Variants in WNT5B observed in about 807,000 individuals in gnomAD.
WNT5B encodes Wnt family member 5B.
In WNT5B, 18 loss-of-function variants were observed where a neutral mutation model predicts 36.5. That is an observed-to-expected ratio of 0.49 (90% CI 0.34 to 0.73). WNT5B has a LOEUF of 0.73. WNT5B is among the 30% of genes least tolerant of loss of function. WNT5B has a pLI of 0.01. For synonymous variants in WNT5B, 213 were observed against 212.3 expected, an observed-to-expected ratio of 1.00 and a Z score of -0.03; for missense variants, 424 against 508.4, an observed-to-expected ratio of 0.83 and a Z score of 1.60.
intron 1 of WNT5B, 76 bp from the exon 2 acceptor site, chr12:1,631,222 T>C (rs963679157): frequency 2.9e-6 from 4 of 1,395,478 alleles, no homozygotes; most frequent in Non-Finnish European, 3.9e-6. Context: ...TGCAACTTTC[T>C]CCGCCTCACC....
Position 1,646,166 on chromosome 12 carries a change from G to A in WNT5B, c.994G>A (p.Glu332Lys). 1 of 1,613,798 alleles carries A rather than the reference G, an allele frequency of 6.2e-7. No homozygotes were observed. The highest frequency in any genetic ancestry group is 8.5e-7 in the Non-Finnish European group (1 of 1,180,034). The change falls in exon 5 of 5, where the codon GAG (glutamate) becomes AAG (lysine). Residue 332 changes from glutamate to lysine, a missense_variant. By Grantham distance (56) the Glu-to-Lys change is moderately conservative. Transcript: ENST00000397196. ...GYNQFKSVQV[E>K]RCHCKFHWCC... is the part of the protein sequence containing the mutation. Reference sequence around the variant, plus strand: ...CAACCAGTTCAAGAGCGTGCAGGTGGAGCGCTGCCACTGCAAGTTCCACTG... The same window carrying A: ...CAACCAGTTCAAGAGCGTGCAGGTGAAGCGCTGCCACTGCAAGTTCCACTG...
intron 4 of WNT5B, among the ~76,000 whole-genome samples, chr12:1,640,419 T>G (rs2094572855): frequency 6.6e-6 from 1 of 152,222 alleles, no homozygotes; most frequent in Admixed American, 6.5e-5. Context: ...TTTCAAGAAC[T>G]GCTGTCATAC....
chr12:1,626,593 C>G (rs372235455), upstream of WNT5B, among the ~76,000 whole-genome samples: 23 of 133,674 alleles, frequency 1.7e-4, no homozygotes, highest in East Asian at 2.0e-3. Context: ...CAGACGGAGT[C>G]TCACTCTATC....
At chr12:1,617,312 A>AAT (rs35389812) in intron 1 of WNT5B, among the ~76,000 whole-genome samples, 119,185 of 147,938 alleles carry the variant, frequency 0.81, 48,753 homozygotes, top group Middle Eastern at 0.87. Flanking sequence ...TAATATATAA[A>AAT]ATATATATAT....
Position 1,631,392 on chromosome 12 carries a change from T to C in WNT5B, c.38T>C (p.Leu13Pro). ...CTGCTGCTGTTCACGGCTGCTCTGCTGTCCAGCTGGGCTCAGCTTCTGACA... is the reference window on the plus strand; with the variant it reads ...CTGCTGCTGTTCACGGCTGCTCTGCCGTCCAGCTGGGCTCAGCTTCTGACA... ...SLLLLFTAAL[L>P]SSWAQLLTDA... The change falls in exon 2 of 5, where the codon CTG (leucine) becomes CCG (proline). Residue 13 changes from leucine to proline, a missense_variant. Transcript: ENST00000397196. 6.2e-7 allele frequency: 1 copy of C among 1,614,182 alleles called. No homozygotes were observed.
At chr12:1,638,307 A>C (rs11061887) in intron 3 of WNT5B, among the ~76,000 whole-genome samples, 14,365 of 152,296 alleles carry the variant, frequency 0.094, 1,237 homozygotes, top group East Asian at 0.28. Context: ...AAAGCTGAGC[A>C]TAGTAAAACG....
Position 1,639,870 on chromosome 12 carries a change from C to T in WNT5B, c.515C>T (p.Ala172Val). The T allele has an allele frequency of 6.2e-7, 1 of 1,614,038 alleles. No individual in the cohort carries two copies. The highest frequency in any genetic ancestry group is 8.5e-7 in the Non-Finnish European group (1 of 1,179,956). Residue 172 changes from alanine to valine, a missense_variant, in exon 4 of 5, where the codon GCC becomes GTC. Transcript: ENST00000397196. ...AACGTGGAGTACGGCTACCGCTTCG[C>T]CAAGGAGTTTGTGGATGCCCGGGAG... ...GDNVEYGYRF[A>V]KEFVDARERE... is the part of the protein sequence containing the mutation.
chr12:1,631,046 T>C (rs2094549772), intron 1 of WNT5B: 1 of 246,616 alleles, frequency 4.1e-6, no homozygotes, highest in African/African-American at 2.2e-5. Context: ...CATTTCTCTT[T>C]GTGGTTTCTC....
chr12:1,627,167 T>G (rs1168755811), upstream of WNT5B, among the ~76,000 whole-genome samples: 2 of 152,142 alleles, frequency 1.3e-5, no homozygotes, highest in African/African-American at 2.4e-5. The surrounding 1 kb of genome is among the most constrained non-coding windows in gnomAD (Gnocchi z 5.0). Context: ...CTGGGAGGGA[T>G]GGTCAGGGAA....
upstream of WNT5B, among the ~76,000 whole-genome samples, chr12:1,624,377 C>CAAAAAAAA (rs34209948): frequency 2.6e-5 from 2 of 78,226 alleles, no homozygotes; most frequent in African/African-American, 5.2e-5. Flanking sequence ...GACTCTGTCT[C>CAAAAAAAA]AAAAAAAAAA....
At position 1,637,611 on chromosome 12, in the gene WNT5B, G is replaced by A. The variant is rs557554177; in HGVS notation, c.329-2073G>A. 9.3e-5 allele frequency among the ~76,000 whole-genome samples: 14 copies of A among 149,962 alleles called. No individual in the cohort carries two copies. In the South Asian group the frequency reaches 1.9e-3, roughly 20 times the overall value. On this transcript the variant is annotated intron_variant, in intron 3 of 4. Transcript: ENST00000397196. The stretch of plus-strand genomic sequence containing the variant: ...AAAAAAAAAAAAAAACTAGCCAGGC[G>A]CGGTGGCAGGTGCCTGTAATCCCAG...
intron 1 of WNT5B, among the ~76,000 whole-genome samples, 162 bp downstream of exon 1, chr12:1,629,533 G>T (rs192075315): frequency 0.011 from 1,747 of 152,248 alleles, 16 homozygotes; most frequent in Non-Finnish European, 0.017. Context: ...TGGGCAGGAG[G>T]CTTCGGGGCC....
Position 1,639,833 on chromosome 12 carries a change from G to T in WNT5B, c.478G>T (p.Gly160Cys), listed in dbSNP as rs1045546763. 3.7e-6 allele frequency: 6 copies of T among 1,613,760 alleles called. No individual in the cohort carries two copies. In the African/African-American group the frequency reaches 8.0e-5, roughly 22 times the overall value. ...CCTGCCCCGGGACTGGCTGTGGGGC[G>T]GCTGTGGGGACAACGTGGAGTACGG... Reference protein sequence around the residue: ...KDLPRDWLWGGCGDNVEYGYR... With the variant: ...KDLPRDWLWGCCGDNVEYGYR... The change falls in exon 4 of 5, where the codon GGC becomes TGC. Residue 160 changes from glycine to cysteine, a missense_variant. Coordinates refer to ENST00000397196, the MANE Select transcript of WNT5B (RefSeq NM_032642.3).
chr12:1,647,011 G>C lies in WNT5B; in HGVS notation c.*759G>C, dbSNP rs1048964909. On this transcript the variant is annotated 3_prime_UTR_variant, in exon 5 of 5. Coordinates refer to ENST00000397196, the MANE Select transcript of WNT5B (RefSeq NM_032642.3). ...GCGCCTGGGCTGCAGAAGCCAGGGT[G>C]CATGACCAGGCTGCGTGGACGTTAT... The C allele has an allele frequency of 6.6e-6, 1 of 152,256 alleles. No homozygotes were observed. The highest frequency in any genetic ancestry group is 1.5e-5 in the Non-Finnish European group (1 of 68,070). The allele number at this position is 152,256 out of a possible 1,614,324, so 9.4% of individuals were successfully genotyped here. A position where few individuals can be genotyped will look rare whatever the true frequency, so the allele number is the denominator to read the frequency against.
In WNT5B at chr12:1,621,480, T is replaced by A. The variant is rs937995283; in HGVS notation, c.-58+4337T>A. Among the ~76,000 whole-genome samples the A allele has an allele frequency of 2.8e-4, 42 of 152,212 alleles. 1 individual carries two copies. Among genetic ancestry groups the A allele is most frequent in the African/African-American group, 1.0e-3 (42 of 41,440 alleles). Reference sequence around the variant, plus strand: ...GTTGCCCCCAGAAACTGGAAGCATGTCATGATGGGAGTTTTCCTGGGTAAT... The same window carrying A: ...GTTGCCCCCAGAAACTGGAAGCATGACATGATGGGAGTTTTCCTGGGTAAT... On this transcript the variant is annotated intron_variant, in intron 1 of 4. Coordinates refer to the WNT5B transcript ENST00000310594.
rs2094587161 is a variant in WNT5B at position 1,647,055 on chromosome 12, C to CG, written c.*807dup. 1 of 152,310 alleles carries CG rather than the reference C, an allele frequency of 6.6e-6. No homozygotes were observed. The highest frequency in any genetic ancestry group is 2.4e-5 in the African/African-American group (1 of 41,456). 9.4% of individuals were successfully genotyped at this position (152,310 alleles called of 1,614,324 possible). ...ACGTTATACTGTCTTCCCCCACCCC[C>CG]GGGGAGGGGAAGCTTGAGCTGCTGC... is the stretch of plus-strand genomic sequence containing the variant. On this transcript the variant is annotated 3_prime_UTR_variant, in exon 5 of 5. Coordinates refer to ENST00000397196, the MANE Select transcript of WNT5B (RefSeq NM_032642.3).
At chr12:1,639,235 T>C (rs2094568379) in intron 3 of WNT5B, among the ~76,000 whole-genome samples, 1 of 150,944 alleles carries the variant, frequency 6.6e-6, no homozygotes, top group African/African-American at 2.4e-5. Flanking sequence ...CCTCCCGGGT[T>C]CACGCCATTC....
At chr12:1,639,547 C>A in intron 3 of WNT5B, 137 bp from the exon 4 acceptor site, 2 of 902,444 alleles carry the variant, frequency 2.2e-6, no homozygotes, top group Non-Finnish European at 3.2e-6. Flanking sequence ...AGCGTTAGAG[C>A]TACGGGAAGC....
At chr12:1,639,652 C>G (rs919007622) in intron 3 of WNT5B, 32 bp from the exon 4 acceptor site, 1 of 1,472,534 alleles carries the variant, frequency 6.8e-7, no homozygotes, top group Non-Finnish European at 8.9e-7. Context: ...GAGGAGAGCG[C>G]ACCCGCTTAC....
Sources: gnomAD v4.1 joint callset for allele counts (sites outside exome capture counted in the v4.1 genomes callset) on GRCh38, gnomAD v4.1.1 for gene constraint, Gnocchi (gnomAD v3.1) non-coding constraint, MANE v1.5 for transcripts, NCBI Gene and HGNC (gene_info 2026-07-23, HGNC 2026-07-21) for gene names.